Variants in SMS observed in about 807,000 individuals in gnomAD.
SMS encodes the protein spermine synthase.
Under a neutral mutation model 33.0 loss-of-function variants are expected in SMS, and 3 were observed. That is an observed-to-expected ratio of 0.09 (90% CI 0.04 to 0.23). The LOEUF is 0.23. Among genes scored for constraint, SMS ranks in the 10% least tolerant of loss-of-function variants. SMS has a pLI of 1.00. For synonymous variants in SMS, 103 were observed against 112.2 expected (o/e 0.92, Z 0.52); for missense variants, 117 against 288.6 (o/e 0.41, Z 4.31).
chrX:21,948,513 C>A (rs1922392967), intron 1 of SMS, among the ~76,000 whole-genome samples: 1 of 101,175 alleles, frequency 9.9e-6, no homozygotes, highest in Non-Finnish European at 2.0e-5. Context: ...ATCTTCTCAT[C>A]CCCTTAGTAT....
intron 1 of SMS, among the ~76,000 whole-genome samples, chrX:21,947,200 C>T (rs978632489): frequency 3.6e-5 from 4 of 112,014 alleles, no homozygotes; most frequent in Non-Finnish European, 7.5e-5. Context: ...TCCTCCCGCT[C>T]CTTCAGCATT....
chrX:21,944,544 A>AAAAAAAAAAAAGAAAAG (rs1555992699), intron 1 of SMS, among the ~76,000 whole-genome samples: 42 of 99,032 alleles, frequency 4.2e-4, no homozygotes, highest in African/African-American at 1.3e-3. Flanking sequence ...AAAAAAAAAA[A>AAAAAAAAAAAAGAAAAG]AGAAAAAAAA....
intron 2 of SMS, among the ~76,000 whole-genome samples, 161 bp from the exon 3 acceptor site, chrX:21,971,736 G>C (rs999593829): frequency 9.0e-6 from 1 of 111,253 alleles, no homozygotes; most frequent in African/African-American, 3.3e-5. Flanking sequence ...GTTTCTCCCC[G>C]CAAGACGCAG....
chrX:21,963,290 T>C (rs774219077), intron 1 of SMS, among the ~76,000 whole-genome samples: 5 of 111,168 alleles, frequency 4.5e-5, no homozygotes, highest in Non-Finnish European at 7.5e-5. Flanking sequence ...GGGAGATGAA[T>C]GGTGGGCAAA....
In SMS at chrX:21,971,882, T is replaced by C. The variant is rs1430786481; in HGVS notation, c.171-15T>C. 1 of 1,105,511 alleles carries C rather than the reference T, an allele frequency of 9.0e-7. No individual in the cohort carries two copies. Among genetic ancestry groups the C allele is most frequent in the Non-Finnish European group, 1.3e-6 (1 of 799,818 alleles). The allele number at this position is 1,105,511 out of a possible 1,213,427, so 91.1% of individuals were successfully genotyped here. A position where few individuals can be genotyped will look rare whatever the true frequency, so the allele number is the denominator to read the frequency against. Reference sequence around the variant, plus strand: ...GATACAATTCTTAAGCTTAAAATTATATTTTCCTTTGTAGCTTTGCCAATT... The same window carrying C: ...GATACAATTCTTAAGCTTAAAATTACATTTTCCTTTGTAGCTTTGCCAATT... On this transcript the variant is annotated splice_polypyrimidine_tract_variant and intron_variant, in intron 2 of 10. Coordinates refer to ENST00000404933, the MANE Select transcript of SMS (RefSeq NM_004595.5).
At chrX:21,956,608 T>TAA (rs1352402503) in intron 1 of SMS, among the ~76,000 whole-genome samples, 2 of 110,897 alleles carry the variant, frequency 1.8e-5, no homozygotes, top group Non-Finnish European at 3.8e-5. Context: ...TAGCTGGGAT[T>TAA]ACAGGCATGC....
intron 1 of SMS, among the ~76,000 whole-genome samples, chrX:21,944,539 A>AAAAAAAAAAAAAAAGAAAAAAG (rs776946474): frequency 1.2e-5 from 1 of 81,437 alleles, no homozygotes; most frequent in African/African-American, 4.9e-5. Context: ...AAAAAAAAAA[A>AAAAAAAAAAAAAAAGAAAAAAG]AAAAAAGAAA....
chrX:21,986,799 C>T (rs1263154368), intron 9 of SMS, among the ~76,000 whole-genome samples: 1 of 111,440 alleles, frequency 9.0e-6, no homozygotes, highest in Non-Finnish European at 1.9e-5. Context: ...GCAGACACGC[C>T]CATTTATTAC....
intron 1 of SMS, among the ~76,000 whole-genome samples, chrX:21,957,575 C>T (rs1169776334): frequency 4.5e-5 from 5 of 111,902 alleles, no homozygotes; most frequent in Admixed American, 2.8e-4. Flanking sequence ...TGTGAGCCAC[C>T]GTGCCCGGCC....
rs148341972 is a variant in SMS, at chrX:21,957,219, A to G, written c.50-9977A>G. On this transcript the variant is annotated intron_variant, in intron 1 of 10. Coordinates refer to ENST00000404933, the MANE Select transcript of SMS (RefSeq NM_004595.5). The stretch of plus-strand genomic sequence containing the variant: ...TTCTATTGCTGTACAGTAAGTTACC[A>G]CAAATTTAGTCACCTGACACATAAT... Among the ~76,000 whole-genome samples the G allele has an allele frequency of 6.7e-3, 720 of 108,186 alleles. 7 individuals are homozygous for G. Among genetic ancestry groups the G allele is most frequent in the African/African-American group, 0.023 (686 of 29,552 alleles). 93.9% of individuals were successfully genotyped at this position (108,186 alleles called of 115,157 possible). A position where few individuals can be genotyped will look rare whatever the true frequency, so the allele number is the denominator to read the frequency against.
At chrX:21,955,611 C>T (rs763245270) in intron 1 of SMS, among the ~76,000 whole-genome samples, 42 of 111,598 alleles carry the variant, frequency 3.8e-4, no homozygotes, top group Non-Finnish European at 5.5e-4. Flanking sequence ...GTAGCATGAC[C>T]CCCACCCCCT....
chrX:21,946,118 A>G (rs1377226259), intron 1 of SMS, among the ~76,000 whole-genome samples: 2 of 112,539 alleles, frequency 1.8e-5, no homozygotes, highest in Non-Finnish European at 3.8e-5. Flanking sequence ...AGAAAGTGCT[A>G]AATTTCTATT....
intron 1 of SMS, among the ~76,000 whole-genome samples, chrX:21,958,597 G>A (rs1353524471): frequency 8.9e-6 from 1 of 112,576 alleles, no homozygotes; most frequent in Non-Finnish European, 1.9e-5. Context: ...GTGCCCCTTA[G>A]CCATCACCCT....
intron 1 of SMS, among the ~76,000 whole-genome samples, chrX:21,958,307 T>A (rs1291139211): frequency 8.9e-6 from 1 of 112,007 alleles, no homozygotes; most frequent in Non-Finnish European, 1.9e-5. Context: ...AGGTGAGAGA[T>A]GAGGATCCAG....
chrX:21,942,492 G>C (rs952205670), intron 1 of SMS, among the ~76,000 whole-genome samples: 2 of 112,191 alleles, frequency 1.8e-5, no homozygotes, highest in African/African-American at 6.5e-5. Flanking sequence ...GGGTTTTTAA[G>C]CAATGTCAGT....
intron 1 of SMS, among the ~76,000 whole-genome samples, chrX:21,944,868 A>T (rs1264390500): frequency 1.8e-5 from 2 of 110,793 alleles, no homozygotes; most frequent in African/African-American, 3.3e-5. Flanking sequence ...AGTCCCAGCT[A>T]CTCTGGAGGC....
intron 2 of SMS, among the ~76,000 whole-genome samples, chrX:21,968,525 A>C (rs933649142): frequency 9.0e-6 from 1 of 111,655 alleles, no homozygotes; most frequent in Non-Finnish European, 1.9e-5. Flanking sequence ...GATCTGCGGC[A>C]GGGCCCAGAT....
intron 7 of SMS, among the ~76,000 whole-genome samples, chrX:21,980,415 C>CAAAA (rs1178108858): frequency 4.7e-4 from 21 of 44,566 alleles, no homozygotes; most frequent in African/African-American, 1.4e-3. Context: ...AGACTGTCTC[C>CAAAA]AAAAAAAAAA....
chrX:21,963,598 G>A (rs1453663863), intron 1 of SMS, among the ~76,000 whole-genome samples: 2 of 111,902 alleles, frequency 1.8e-5, no homozygotes, highest in Admixed American at 9.5e-5. Flanking sequence ...GTTAGAAAAA[G>A]GGGATGGCCA....
Sources: gnomAD v4.1 joint callset for allele counts (sites outside exome capture counted in the v4.1 genomes callset) on GRCh38, gnomAD v4.1.1 for gene constraint, MANE v1.5 for transcripts, NCBI Gene and HGNC (gene_info 2026-07-23, HGNC 2026-07-21) for gene names.